Variants in NECAB1 observed in about 807,000 individuals in gnomAD.
The protein encoded by NECAB1 is N-terminal EF-hand calcium-binding protein 1.
Under a neutral mutation model 57.5 loss-of-function variants are expected in NECAB1, and 29 were observed. The ratio of observed to expected loss-of-function variants is 0.50; its 90% CI spans 0.38 to 0.69. The LOEUF is 0.69. NECAB1 is among the 30% of genes least tolerant of loss of function. The pLI, the probability that NECAB1 is intolerant of heterozygous loss-of-function variation, is 0.00. For synonymous variants in NECAB1, 142 were observed against 147.7 expected, an observed-to-expected ratio of 0.96 and a Z score of 0.28; for missense variants, 372 against 413.8, an observed-to-expected ratio of 0.90 and a Z score of 0.88.
chr8:90,802,608 A>G (rs1348798301), intron 2 of NECAB1, among the ~76,000 whole-genome samples: 2 of 152,200 alleles, frequency 1.3e-5, no homozygotes, highest in Non-Finnish European at 2.9e-5. Context: ...CAGAGTCCAG[A>G]TCTGACAGTT....
intron 1 of NECAB1, among the ~76,000 whole-genome samples, chr8:90,801,169 T>A (rs983599359): frequency 6.6e-6 from 1 of 152,172 alleles, no homozygotes; most frequent in African/African-American, 2.4e-5. Context: ...TGATGAGTTT[T>A]AACATATATG....
intron 2 of NECAB1, among the ~76,000 whole-genome samples, chr8:90,815,006 T>C (rs1812035045): frequency 2.0e-5 from 3 of 151,964 alleles, no homozygotes; most frequent in Admixed American, 2.0e-4. Context: ...TAAACATGAG[T>C]TTATATTAAT....
At chr8:90,822,866 A>C (rs1043866827) in intron 2 of NECAB1, among the ~76,000 whole-genome samples, 4 of 147,584 alleles carry the variant, frequency 2.7e-5, no homozygotes, top group Non-Finnish European at 6.0e-5. Flanking sequence ...TTTTTTCTTT[A>C]TTTTTTTTTT....
Position 90,959,009 on chromosome 8 carries a change from A to C in NECAB1, c.*3497A>C, listed in dbSNP as rs1294994859. 3 of 1,411,216 alleles carry C rather than the reference A, an allele frequency of 2.1e-6. No homozygotes were observed. The African/African-American group carries it at 4.4e-5, about 21-fold the overall frequency. The allele number at this position is 1,411,216 out of a possible 1,614,324, so 87.4% of individuals were successfully genotyped here. ...TAAATTCATCTGTTCTTAAAATGCT[A>C]CTTAAAACTTTGGTTGTTTTCCTGT... On this transcript the variant is annotated 3_prime_UTR_variant, in exon 13 of 13. Coordinates refer to ENST00000417640, the MANE Select transcript of NECAB1 (RefSeq NM_022351.5).
At chr8:90,860,254 T>TTC in intron 3 of NECAB1, among the ~76,000 whole-genome samples, 1 of 148,518 alleles carries the variant, frequency 6.7e-6, no homozygotes, top group Admixed American at 6.7e-5. Flanking sequence ...TTTTTTTTTT[T>TTC]AACGTTCTAG....
intron 2 of NECAB1, among the ~76,000 whole-genome samples, chr8:90,822,229 A>C (rs1022220512): frequency 6.6e-6 from 1 of 151,974 alleles, no homozygotes; most frequent in African/African-American, 2.4e-5. Context: ...GGAAAGTTGA[A>C]GTTTGAATAA....
At chr8:90,792,012 G>T (rs1179473677) in intron 1 of NECAB1, 27 bp downstream of exon 1, 1 of 1,534,786 alleles carries the variant, frequency 6.5e-7, no homozygotes. Context: ...GGAGCTGGGC[G>T]GTTGCTTCCC....
chr8:90,836,410 C>T (rs548643693), intron 3 of NECAB1, among the ~76,000 whole-genome samples: 1 of 152,284 alleles, frequency 6.6e-6, no homozygotes, highest in South Asian at 2.1e-4. Context: ...GTTCTTGTCT[C>T]ATTCACTAAT....
chr8:90,875,718 CTG>C (rs1167506291), intron 4 of NECAB1, among the ~76,000 whole-genome samples: 1 of 149,062 alleles, frequency 6.7e-6, no homozygotes, highest in Non-Finnish European at 1.5e-5. Context: ...TGGATAAAAA[CTG>C]AGGGTACGGG....
intron 2 of NECAB1, among the ~76,000 whole-genome samples, chr8:90,823,740 C>T (rs1420097344): frequency 6.6e-6 from 1 of 151,834 alleles, no homozygotes; most frequent in Admixed American, 6.6e-5. Flanking sequence ...CAAATTCCAT[C>T]CTCCTTAAAC....
chr8:90,832,392 A>G (rs1306626959), intron 3 of NECAB1, among the ~76,000 whole-genome samples: 2 of 152,178 alleles, frequency 1.3e-5, no homozygotes, highest in African/African-American at 4.8e-5. Context: ...TTAAAAGATT[A>G]GCAAAGTTTG....
chr8:90,878,372 C>A (rs941267241), intron 4 of NECAB1, among the ~76,000 whole-genome samples: 2 of 152,152 alleles, frequency 1.3e-5, no homozygotes, highest in Admixed American at 6.5e-5. Context: ...TAAGTGAACA[C>A]TCGCTATGAT....
rs1431938490 is a variant in NECAB1 at position 90,956,631 on chromosome 8, A to C, written c.*1119A>C. On this transcript the variant is annotated 3_prime_UTR_variant, in exon 13 of 13. Transcript: ENST00000417640. ...TAATGAAAATACAATACATATAAAAATGTATAGCCATGTTATTTTCTAGTA... is the reference window on the plus strand; with the variant it reads ...TAATGAAAATACAATACATATAAAACTGTATAGCCATGTTATTTTCTAGTA... 1 of 151,914 alleles carries C rather than the reference A, an allele frequency of 6.6e-6. No homozygotes were observed. 9.4% of individuals were successfully genotyped at this position (151,914 alleles called of 1,614,324 possible).
intron 3 of NECAB1, among the ~76,000 whole-genome samples, chr8:90,832,315 G>T (rs1364904730): frequency 1.3e-5 from 2 of 152,144 alleles, no homozygotes; most frequent in African/African-American, 4.8e-5. Context: ...CTGCAGTGTG[G>T]ATTGGGGCAC....
At chr8:90,824,905 G>A in intron 3 of NECAB1, 80 bp downstream of exon 3, 1 of 713,300 alleles carries the variant, frequency 1.4e-6, no homozygotes, top group East Asian at 3.1e-5. Flanking sequence ...AAGAAGAAAG[G>A]GAAGAACAAT....
intron 4 of NECAB1, among the ~76,000 whole-genome samples, chr8:90,877,501 T>C (rs1001190264): frequency 1.3e-5 from 2 of 152,180 alleles, no homozygotes; most frequent in South Asian, 4.1e-4. Flanking sequence ...GTTATCTTCA[T>C]GTCTAACAAG....
chr8:90,926,522 G>A (rs148965277), intron 7 of NECAB1, among the ~76,000 whole-genome samples: 4 of 152,222 alleles, frequency 2.6e-5, no homozygotes, highest in African/African-American at 7.2e-5. Flanking sequence ...ATTGTGAAGC[G>A]ACCTTAAAAT....
intron 3 of NECAB1, among the ~76,000 whole-genome samples, chr8:90,839,574 C>A (rs1342488173): frequency 6.6e-6 from 1 of 152,110 alleles, no homozygotes; most frequent in Non-Finnish European, 1.5e-5. Context: ...TAGCCAGGAC[C>A]TCTTAGAGAA....
intron 5 of NECAB1, among the ~76,000 whole-genome samples, chr8:90,889,799 C>T (rs1809110370): frequency 6.6e-6 from 1 of 152,196 alleles, no homozygotes; most frequent in Admixed American, 6.5e-5. Flanking sequence ...AATCCCAGCA[C>T]TTTGGGAGGC....
Sources: gnomAD v4.1 joint callset for allele counts (sites outside exome capture counted in the v4.1 genomes callset) on GRCh38, gnomAD v4.1.1 for gene constraint, MANE v1.5 for transcripts, NCBI Gene and HGNC (gene_info 2026-07-23, HGNC 2026-07-21) for gene names.